CFAP47: variants seen among roughly 807,000 people sequenced by gnomAD.
CFAP47 encodes cilia- and flagella-associated protein 47.
Under a neutral mutation model 148.1 loss-of-function variants are expected in CFAP47, and 29 were observed. That is an observed-to-expected ratio of 0.20 (90% CI 0.15 to 0.27). The LOEUF (loss-of-function observed/expected upper bound fraction) is 0.27, where lower values mean the gene tolerates loss of function less well. Ranked by LOEUF, CFAP47 falls within the 10% of genes least tolerant of loss-of-function variation. The pLI is 1.00. For synonymous variants in CFAP47, 664 were observed against 577.3 expected (o/e 1.15, Z -2.15); for missense variants, 1,872 against 1,697.5 (o/e 1.10, Z -1.81).
intron 33 of CFAP47, among the ~76,000 whole-genome samples, chrX:36,129,436 A>G (rs2336394): frequency 0.27 from 30,223 of 110,014 alleles, 5,575 homozygotes; most frequent in African/African-American, 0.66. Flanking sequence ...AGTATTATAT[A>G]CATTACTTTA....
chrX:35,971,587 G>A lies in CFAP47; in HGVS notation c.1972G>A (p.Glu658Lys). 9.2e-7 allele frequency: 1 copy of A among 1,090,495 alleles called. No individual in the cohort carries two copies. The highest frequency in any genetic ancestry group is 3.3e-5 in the East Asian group (1 of 30,321). 89.9% of individuals were successfully genotyped at this position (1,090,495 alleles called of 1,213,427 possible). Residue 658 changes from glutamate (E) to lysine (K), a missense_variant and splice_region_variant, in exon 12 of 64, where the codon GAG becomes AAG. Physicochemically the swap from Glu to Lys is moderately conservative, Grantham distance 56. Transcript: ENST00000378653. Reference sequence around the variant, plus strand: ...TTATTATTATTATTAATTTTATAGGGAGCGCATGTATTCATATGATGATAC... The same window carrying A: ...TTATTATTATTATTAATTTTATAGGAAGCGCATGTATTCATATGATGATAC... ...VRLQKKQAERERMYSYDDTDI... is the reference protein window; with the variant it reads ...VRLQKKQAERKRMYSYDDTDI...
At chrX:36,033,815 T>C (rs1054857404) in intron 23 of CFAP47, among the ~76,000 whole-genome samples, 9 of 111,464 alleles carry the variant, frequency 8.1e-5, no homozygotes, top group African/African-American at 2.6e-4. Flanking sequence ...TGAAAAAACC[T>C]GGTTGATAGT....
chrX:36,000,238 A>G lies in CFAP47; in HGVS notation c.3178-45A>G, dbSNP rs145741644. On this transcript the variant is annotated intron_variant, in intron 19 of 63. Transcript: ENST00000378653. The stretch of plus-strand genomic sequence containing the variant: ...ATTGCAAGTTTTAGTTTACATTTTC[A>G]TAAACTATTCTATTTTCTAATTATT... 2,240 of 280,305 alleles carry G rather than the reference A, an allele frequency of 8.0e-3. 51 individuals are homozygous for G. The highest frequency in any genetic ancestry group is 0.057 in the African/African-American group (2,046 of 35,888). 23.1% of individuals were successfully genotyped at this position (280,305 alleles called of 1,213,427 possible).
intron 8 of CFAP47, among the ~76,000 whole-genome samples, chrX:35,961,276 A>G (rs1948835905): frequency 8.9e-6 from 1 of 111,898 alleles, no homozygotes; most frequent in African/African-American, 3.2e-5. Context: ...TAAGGGACAT[A>G]AGAATGCAGA....
At chrX:35,980,785 C>T (rs1435007179) in intron 15 of CFAP47, among the ~76,000 whole-genome samples, 4 of 110,649 alleles carry the variant, frequency 3.6e-5, no homozygotes, top group South Asian at 3.8e-4. Context: ...AAAACTCTTC[C>T]GCAAACCTCT....
At position 35,975,356 on chromosome X, in the gene CFAP47, T is replaced by C; in HGVS notation, c.2464T>C (p.Phe822Leu). 1 of 1,155,251 alleles carries C rather than the reference T, an allele frequency of 8.7e-7. No individual in the cohort carries two copies. The highest frequency in any genetic ancestry group is 1.2e-6 in the Non-Finnish European group (1 of 850,486). ...MVFDSPTIGK[F>L]WKSFTFTVNN... ...ATTTGACTCTCCCACCATTGGAAAA[T>C]TTTGGAAGTAGGGATTATTTTTGAA... Residue 822 changes from phenylalanine to leucine, a missense_variant, in exon 14 of 64, where the codon TTT (phenylalanine) becomes CTT (leucine). Coordinates refer to ENST00000378653, the MANE Select transcript of CFAP47 (RefSeq NM_001304548.2).
intron 39 of CFAP47, among the ~76,000 whole-genome samples, chrX:36,170,605 G>C (rs1283209607): frequency 9.1e-6 from 1 of 109,751 alleles, no homozygotes; most frequent in African/African-American, 3.3e-5. Flanking sequence ...TTTCATCCAT[G>C]TCCCTACAAA....
chrX:36,228,171 A>G (rs184556139), intron 45 of CFAP47, among the ~76,000 whole-genome samples: 1 of 111,672 alleles, frequency 9.0e-6, no homozygotes, highest in Admixed American at 9.5e-5. Context: ...CCCATCTAAT[A>G]TTGCATGTAT....
At chrX:36,280,295 C>T (rs1472480339) in intron 49 of CFAP47, among the ~76,000 whole-genome samples, 192 bp from the exon 50 acceptor site, 2 of 111,272 alleles carry the variant, frequency 1.8e-5, no homozygotes, top group African/African-American at 6.5e-5. Flanking sequence ...TTTCCTTAAA[C>T]TCTTTCCTTG....
chrX:36,228,496 T>C (rs367596261), intron 45 of CFAP47, 132 bp from the exon 46 acceptor site: 12 of 440,759 alleles, frequency 2.7e-5, no homozygotes, highest in East Asian at 1.1e-4. Context: ...TTAGAAGTAT[T>C]GTGTTATCCC....
At position 36,104,796 on chromosome X, in the gene CFAP47, C is replaced by A. The variant is rs191042091; in HGVS notation, c.5320+105C>A. 7.0e-4 allele frequency: 233 copies of A among 333,254 alleles called. 1 individual carries two copies. The Admixed American group carries it at 7.1e-3, about 10-fold the overall frequency. 27.5% of individuals were successfully genotyped at this position (333,254 alleles called of 1,213,427 possible). ...CAACTCAGAATCCATGGATTCTAGA[C>A]CCCTCTCCAACATTTACTTTCTGTT... On this transcript the variant is annotated intron_variant, in intron 33 of 63. Transcript: ENST00000378653.
At chrX:36,371,704 GTA>G (rs782031250) in intron 62 of CFAP47, among the ~76,000 whole-genome samples, 8 of 62,177 alleles carry the variant, frequency 1.3e-4, no homozygotes, top group African/African-American at 3.1e-4. Flanking sequence ...ACACACATGT[GTA>G]TATATGTGTG....
In CFAP47 at chrX:35,953,714, T is replaced by C; in HGVS notation, c.1169T>C (p.Ile390Thr). Residue 390 changes from isoleucine (I) to threonine (T), a missense_variant, in exon 7 of 64, where the codon ATC becomes ACC. Ile to Thr is a moderately conservative substitution (Grantham distance 89). Coordinates refer to ENST00000378653, the MANE Select transcript of CFAP47 (RefSeq NM_001304548.2). Reference sequence around the variant, plus strand: ...TTGAGAGATGATGACTATAAAACCATCAAAAGTAAGTGTGAAATTAACAAA... The same window carrying C: ...TTGAGAGATGATGACTATAAAACCACCAAAAGTAAGTGTGAAATTAACAAA... The part of the protein sequence containing the change: ...GFLRDDDYKT[I>T]KSERFQKVEL... The C allele has an allele frequency of 2.5e-6, 3 of 1,182,567 alleles. No homozygotes were observed. The highest frequency in any genetic ancestry group is 3.4e-6 in the Non-Finnish European group (3 of 880,070).
intron 26 of CFAP47, among the ~76,000 whole-genome samples, chrX:36,049,488 T>TCACA (rs397895931): frequency 0.1 from 9,180 of 92,102 alleles, 390 homozygotes; most frequent in Non-Finnish European, 0.11. Flanking sequence ...TTTCTCTCTC[T>TCACA]CACACACACA....
chrX:36,236,930 C>T (rs1940475903), intron 48 of CFAP47, 71 bp downstream of exon 48: 1 of 410,036 alleles, frequency 2.4e-6, no homozygotes, highest in African/African-American at 2.6e-5. Flanking sequence ...ATAATAATTA[C>T]AAACAATTTT....
chrX:36,289,132 C>A (rs1556005184), intron 51 of CFAP47, among the ~76,000 whole-genome samples: 1 of 106,965 alleles, frequency 9.3e-6, no homozygotes, highest in East Asian at 3.0e-4. Context: ...TCCTGAGTAG[C>A]TGGGATTACA....
rs139276147 is a variant in CFAP47, at chrX:36,191,683, C to T, written c.6321+1487C>T. On this transcript the variant is annotated intron_variant, in intron 42 of 63. Transcript: ENST00000378653. ...TTTTAAACGGGCCGTAACTGCTTTACCATTAAGAACCACCTGTTGGCCGGG... is the reference window on the plus strand; with the variant it reads ...TTTTAAACGGGCCGTAACTGCTTTATCATTAAGAACCACCTGTTGGCCGGG... Among the ~76,000 whole-genome samples, 636 of 111,227 alleles carry T rather than the reference C, an allele frequency of 5.7e-3. 7 individuals carry two copies. Among genetic ancestry groups the T allele is most frequent in the African/African-American group, 0.019 (584 of 30,615 alleles).
intron 22 of CFAP47, among the ~76,000 whole-genome samples, chrX:36,027,842 G>A (rs1469597676): frequency 9.0e-6 from 1 of 110,997 alleles, no homozygotes; most frequent in Non-Finnish European, 1.9e-5. Context: ...GTTTTTAATA[G>A]TAGCCTTTCT....
chrX:36,355,774 G>GA (rs1442572411), intron 60 of CFAP47, among the ~76,000 whole-genome samples: 2 of 111,729 alleles, frequency 1.8e-5, no homozygotes, highest in African/African-American at 6.5e-5. Flanking sequence ...AAGTTCTAGG[G>GA]ATCTGTTGTA....
Sources: allele counts gnomAD v4.1 joint callset (sites outside exome capture counted in the v4.1 genomes callset), GRCh38; gene constraint gnomAD v4.1.1; transcripts MANE v1.5; gene names NCBI Gene and HGNC (gene_info 2026-07-23, HGNC 2026-07-21).